Variants in HECW1 observed in about 807,000 individuals in gnomAD.
The protein encoded by HECW1 is HECT, C2 and WW domain containing E3 ubiquitin protein ligase 1, also known as E3 ubiquitin-protein ligase HECW1.
A neutral mutation model predicts 182.3 loss-of-function variants in HECW1; 61 were observed. The observed-to-expected ratio is 0.33, with a 90% CI of 0.27 to 0.41. HECW1 has a LOEUF of 0.41. Ranked by LOEUF, HECW1 falls within the 10% of genes least tolerant of loss-of-function variation. The pLI is 1.00. For missense variants in HECW1, 1,739 were observed against 2,108.9 expected (o/e 0.82, Z 3.44); for synonymous variants, 859 against 832.6 (o/e 1.03, Z -0.55).
At chr7:43,557,096 T>G (rs2082053130) in intron 29 of HECW1, among the ~76,000 whole-genome samples, 1 of 148,722 alleles carries the variant, frequency 6.7e-6, no homozygotes, top group East Asian at 2.0e-4. Context: ...CCTAAAAAAA[T>G]GTCATCTATG....
chr7:43,136,508 C>T (rs1431422353), intron 2 of HECW1, among the ~76,000 whole-genome samples: 1 of 152,194 alleles, frequency 6.6e-6, no homozygotes, highest in Non-Finnish European at 1.5e-5. Context: ...TAGAAAGAGA[C>T]TGCTTAGGAA....
At chr7:43,268,524 C>T (rs564015012) in intron 3 of HECW1, among the ~76,000 whole-genome samples, 6 of 152,326 alleles carry the variant, frequency 3.9e-5, no homozygotes, top group Admixed American at 2.6e-4. Context: ...GGGCAGAGGC[C>T]GGGGATGCAG....
At chr7:43,362,791 G>T (rs1461777099) in intron 6 of HECW1, among the ~76,000 whole-genome samples, 1 of 152,244 alleles carries the variant, frequency 6.6e-6, no homozygotes, top group Non-Finnish European at 1.5e-5. Flanking sequence ...AAGCCAATTA[G>T]GGAAAACCCT....
intron 11 of HECW1, among the ~76,000 whole-genome samples, chr7:43,449,761 AG>A (rs2077171894): frequency 6.6e-6 from 1 of 151,082 alleles, no homozygotes; most frequent in African/African-American, 2.4e-5. Flanking sequence ...CAAGAAAACC[AG>A]CATGGTGTGA....
intron 2 of HECW1, among the ~76,000 whole-genome samples, chr7:43,170,980 G>C (rs1203375927): frequency 6.6e-6 from 1 of 152,182 alleles, no homozygotes; most frequent in Non-Finnish European, 1.5e-5. Context: ...CCTTGAGCTA[G>C]AGAAAGTGAC....
chr7:43,510,391 A>G (rs1018650776), intron 24 of HECW1: 2 of 152,238 alleles, frequency 1.3e-5, no homozygotes, highest in Non-Finnish European at 2.9e-5. Context: ...ATTTTCATCA[A>G]ATATCTTACC....
At chr7:43,429,603 T>C (rs2076479931) in intron 8 of HECW1, among the ~76,000 whole-genome samples, 1 of 152,138 alleles carries the variant, frequency 6.6e-6, no homozygotes, top group Non-Finnish European at 1.5e-5. Context: ...TTTTTGAATG[T>C]CATTTTTAAA....
chr7:43,179,947 C>A (rs796878851), intron 2 of HECW1, among the ~76,000 whole-genome samples: 9 of 152,256 alleles, frequency 5.9e-5, no homozygotes, highest in African/African-American at 2.2e-4. Flanking sequence ...GGATGTTATA[C>A]AGGAACCTTT....
chr7:43,312,302 GA>G (rs1808632409), intron 4 of HECW1, among the ~76,000 whole-genome samples: 1 of 152,206 alleles, frequency 6.6e-6, no homozygotes, highest in South Asian at 2.1e-4. Flanking sequence ...AAAATCATGA[GA>G]TATAGCAGAG....
At chr7:43,115,323 A>G (rs1483379436) in intron 2 of HECW1, among the ~76,000 whole-genome samples, 1 of 127,334 alleles carries the variant, frequency 7.9e-6, no homozygotes, top group Non-Finnish European at 1.6e-5. Flanking sequence ...TTTGTCCACT[A>G]TAGCAAAACA....
chr7:43,438,375 G>C (rs1281625935), intron 9 of HECW1: 7 of 361,572 alleles, frequency 1.9e-5, no homozygotes, highest in African/African-American at 4.2e-5. Flanking sequence ...TTACCCAAGA[G>C]AGTAAAAAAT....
intron 2 of HECW1, among the ~76,000 whole-genome samples, chr7:43,137,552 A>ATTTATTTATTTC (rs1200577703): frequency 6.7e-6 from 1 of 150,234 alleles, no homozygotes; most frequent in Non-Finnish European, 1.5e-5. Flanking sequence ...TTATTTATTT[A>ATTTATTTATTTC]TTTATTTATT....
intron 16 of HECW1, among the ~76,000 whole-genome samples, chr7:43,469,864 G>A (rs2077945711): frequency 6.6e-6 from 1 of 152,236 alleles, no homozygotes; most frequent in South Asian, 2.1e-4. Context: ...AGTCATGTCT[G>A]TGACGTGTCC....
intron 6 of HECW1, among the ~76,000 whole-genome samples, chr7:43,383,352 T>C (rs922879044): frequency 2.6e-5 from 4 of 152,204 alleles, no homozygotes; most frequent in Non-Finnish European, 5.9e-5. Context: ...CTTGAGGAAT[T>C]GCCACACTGT....
At chr7:43,274,286 G>A (rs1436283728) in intron 3 of HECW1, 3 of 1,019,320 alleles carry the variant, frequency 2.9e-6, no homozygotes, top group Non-Finnish European at 2.8e-6. Flanking sequence ...GCCAAGTCCC[G>A]CTTCTGGTAC....
rs1563052467 is a variant in HECW1 at position 43,493,068 on chromosome 7, C to CT, written c.3341-12dup. 5.7e-6 allele frequency: 9 copies of CT among 1,581,552 alleles called. No homozygotes were observed. Among genetic ancestry groups the CT allele is most frequent in the Non-Finnish European group, 7.8e-6 (9 of 1,151,204 alleles). ...GGCTGCAGACTCAACCACAACTGTG[C>CT]TTTTGTCTGTTTCAGCATATAATGA... On this transcript the variant is annotated splice_polypyrimidine_tract_variant and intron_variant, in intron 18 of 29. Coordinates refer to ENST00000395891, the MANE Select transcript of HECW1 (RefSeq NM_015052.5).
chr7:43,177,701 G>A lies in HECW1; in HGVS notation c.-32+63310G>A, dbSNP rs376488595. On this transcript the variant is annotated intron_variant, in intron 2 of 29. Coordinates refer to ENST00000395891, the MANE Select transcript of HECW1 (RefSeq NM_015052.5). Reference sequence around the variant, plus strand: ...AGAAAAATAGCACCTACTTCAACCCGTTTTGTGAAGGTTAAATGAGTCTGT... The same window carrying A: ...AGAAAAATAGCACCTACTTCAACCCATTTTGTGAAGGTTAAATGAGTCTGT... 2.2e-4 allele frequency among the ~76,000 whole-genome samples: 33 copies of A among 152,240 alleles called. 1 individual carries two copies. The highest frequency in any genetic ancestry group is 7.7e-4 in the East Asian group (4 of 5,182).
intron 8 of HECW1, among the ~76,000 whole-genome samples, chr7:43,428,936 A>G (rs532529104): frequency 2.6e-5 from 4 of 152,178 alleles, no homozygotes; most frequent in Non-Finnish European, 4.4e-5. Flanking sequence ...ACATAGACAG[A>G]ATACATATAT....
intron 2 of HECW1, among the ~76,000 whole-genome samples, chr7:43,176,841 G>A (rs1332581780): frequency 6.6e-6 from 1 of 152,086 alleles, no homozygotes; most frequent in Non-Finnish European, 1.5e-5. Context: ...CTTTCTCTAG[G>A]GACTGGGGGC....
Sources: gnomAD v4.1 joint callset for allele counts (sites outside exome capture counted in the v4.1 genomes callset) on GRCh38, gnomAD v4.1.1 for gene constraint, MANE v1.5 for transcripts, NCBI Gene and HGNC (gene_info 2026-07-23, HGNC 2026-07-21) for gene names.